The following PGAP1 variants were observed in gnomAD, a reference collection of about 807,000 sequenced individuals.
PGAP1 encodes post-GPI attachment to proteins inositol deacylase 1, also known as GPI inositol-deacylase.
PGAP1 carries 76 observed loss-of-function variants against 127.0 expected under a neutral mutation model. The observed-to-expected ratio is 0.60, with a 90% CI of 0.50 to 0.72. The LOEUF (loss-of-function observed/expected upper bound fraction) is 0.72, where lower values mean the gene tolerates loss of function less well. PGAP1 is among the 30% of genes least tolerant of loss of function. The pLI, the probability that PGAP1 is intolerant of heterozygous loss-of-function variation, is 0.00. For missense variants in PGAP1, 982 were observed against 1,071.3 expected, an observed-to-expected ratio of 0.92 and a Z score of 1.16; for synonymous variants, 362 against 366.5, an observed-to-expected ratio of 0.99 and a Z score of 0.14.
At chr2:196,893,349 G>C (rs965876690) in intron 7 of PGAP1, 104 bp from the exon 8 acceptor site, 8 of 603,372 alleles carry the variant, frequency 1.3e-5, no homozygotes, top group Non-Finnish European at 1.5e-5. Flanking sequence ...TTATTACTCT[G>C]AGCCAGGCAC....
Position 196,865,004 on chromosome 2 carries a change from T to C in PGAP1, c.1844A>G (p.Tyr615Cys). 1 of 1,548,378 alleles carries C rather than the reference T, an allele frequency of 6.5e-7. No homozygotes were observed. The highest frequency in any genetic ancestry group is 8.7e-7 in the Non-Finnish European group (1 of 1,153,494). Residue 615 changes from tyrosine (Y) to cysteine (C), a missense_variant, in exon 20 of 27, where the codon TAT (tyrosine) becomes TGT (cysteine). Transcript: ENST00000354764. ...NILLAYRGQL[Y>C]SLFSTGCCLE... ...ATTCTTACCTGTTGAGAAAAGAGAA[T>C]ATAACTGTCCTCTATAAGCAAGAAG... is the stretch of plus-strand genomic sequence containing the variant.
chr2:196,880,150 G>T lies in PGAP1; in HGVS notation c.1276C>A (p.Leu426Met). ...GGATAGTCTTGAAGTCTTAATGTCA[G>T]ATACTAAAATAAAAAAAAAAGAAAC... is the stretch of plus-strand genomic sequence containing the variant. ...KAELLPTIKY[L>M]TLRLQDYPSL... The change falls in exon 13 of 27, where the codon CTG (leucine) becomes ATG (methionine). Residue 426 changes from leucine (L) to methionine (M), a missense_variant. Physicochemically the swap from Leu to Met is conservative, Grantham distance 15. Coordinates refer to ENST00000354764, the MANE Select transcript of PGAP1 (RefSeq NM_024989.4). 2 of 1,510,290 alleles carry T rather than the reference G, an allele frequency of 1.3e-6. No homozygotes were observed. Among genetic ancestry groups the T allele is most frequent in the South Asian group, 1.3e-5 (1 of 78,954 alleles). The allele number at this position is 1,510,290 out of a possible 1,614,324, so 93.6% of individuals were successfully genotyped here. A position where few individuals can be genotyped will look rare whatever the true frequency, so the allele number is the denominator to read the frequency against.
At position 196,902,396 on chromosome 2, in the gene PGAP1, T is replaced by TATTCATTCATTCATTC. The variant is rs112012835; in HGVS notation, c.807+173_807+188dup. ...CAATTCTGCCCTCCCAACACATTCA[T>TATTCATTCATTCATTC]ATTCATTCATTCATTCATTTTCTCT... On this transcript the variant is annotated intron_variant, in intron 5 of 26. Coordinates refer to ENST00000354764, the MANE Select transcript of PGAP1 (RefSeq NM_024989.4). Among the ~76,000 whole-genome samples, 520 of 151,476 alleles carry TATTCATTCATTCATTC rather than the reference T, an allele frequency of 3.4e-3. 2 individuals are homozygous for TATTCATTCATTCATTC. The highest frequency in any genetic ancestry group is 0.012 in the African/African-American group (489 of 41,018).
intron 1 of PGAP1, among the ~76,000 whole-genome samples, chr2:196,920,865 A>G (rs567434759): frequency 2.4e-4 from 36 of 152,274 alleles, no homozygotes; most frequent in African/African-American, 8.2e-4. Flanking sequence ...CCAATAATAC[A>G]GCAGCTCACC....
intron 1 of PGAP1, among the ~76,000 whole-genome samples, chr2:196,923,494 A>G (rs1235757694): frequency 6.6e-6 from 1 of 152,062 alleles, no homozygotes; most frequent in Non-Finnish European, 1.5e-5. Flanking sequence ...CATTTCCCCC[A>G]TTGTATTTAT....
At chr2:196,843,820 G>A (rs572014196) in intron 25 of PGAP1, 68 bp downstream of exon 25, 1 of 1,010,172 alleles carries the variant, frequency 9.9e-7, no homozygotes, top group South Asian at 3.7e-5. Flanking sequence ...TAGGAATCTA[G>A]CAAGTCTCTA....
At chr2:196,899,804 CG>C (rs199568398) in intron 5 of PGAP1, among the ~76,000 whole-genome samples, 1,548 of 152,296 alleles carry the variant, frequency 0.01, 25 homozygotes, top group African/African-American at 0.035. Context: ...GAGGCCGAGG[CG>C]GGTGGATCAC....
intron 23 of PGAP1, 139 bp from the exon 24 acceptor site, chr2:196,844,713 C>T (rs1444109540): frequency 4.9e-6 from 3 of 607,796 alleles, no homozygotes; most frequent in Non-Finnish European, 2.9e-6. Context: ...CATTTAAAAA[C>T]ATTCTTATAC....
chr2:196,844,741 T>C (rs1340444947), intron 23 of PGAP1, among the ~76,000 whole-genome samples, 167 bp from the exon 24 acceptor site: 2 of 152,028 alleles, frequency 1.3e-5, no homozygotes, highest in Non-Finnish European at 2.9e-5. Context: ...CAACTACACA[T>C]GCTGGCTATC....
chr2:196,876,329 G>A (rs1280607182), intron 13 of PGAP1, among the ~76,000 whole-genome samples: 1 of 151,986 alleles, frequency 6.6e-6, no homozygotes, highest in Non-Finnish European at 1.5e-5. Context: ...TTGACACATG[G>A]CTAATGTTAT....
chr2:196,854,157 A>G (rs1407996761), intron 20 of PGAP1, among the ~76,000 whole-genome samples: 2 of 151,984 alleles, frequency 1.3e-5, no homozygotes, highest in African/African-American at 2.4e-5. Context: ...TATGCCTCCT[A>G]AAGTGCTCAG....
At chr2:196,868,129 T>C (rs1327342955) in intron 19 of PGAP1, among the ~76,000 whole-genome samples, 2 of 152,172 alleles carry the variant, frequency 1.3e-5, no homozygotes, top group Non-Finnish European at 2.9e-5. Flanking sequence ...TCTCTATATA[T>C]ATCCTCATCT....
intron 20 of PGAP1, among the ~76,000 whole-genome samples, chr2:196,857,811 C>T (rs1297606632): frequency 6.6e-6 from 1 of 152,184 alleles, no homozygotes; most frequent in Admixed American, 6.5e-5. Flanking sequence ...CCTGCTCAAC[C>T]TCAAACTGGC....
chr2:196,846,067 T>C lies in PGAP1; in HGVS notation c.2151-50A>G, dbSNP rs745970998. 2.3e-5 allele frequency: 27 copies of C among 1,165,940 alleles called. 1 individual carries two copies. Among genetic ancestry groups the C allele is most frequent in the South Asian group, 2.0e-4 (10 of 51,082 alleles). The allele number at this position is 1,165,940 out of a possible 1,614,324, so 72.2% of individuals were successfully genotyped here. A position where few individuals can be genotyped will look rare whatever the true frequency, so the allele number is the denominator to read the frequency against. ...AAATATATATTAACAAATATTTATATAGTCACATATAAGAAGAAAACAATA... is the reference window on the plus strand; with the variant it reads ...AAATATATATTAACAAATATTTATACAGTCACATATAAGAAGAAAACAATA... On this transcript the variant is annotated intron_variant, in intron 22 of 26. Coordinates refer to ENST00000354764, the MANE Select transcript of PGAP1 (RefSeq NM_024989.4).
chr2:196,851,846 T>C (rs1391192613), intron 20 of PGAP1, among the ~76,000 whole-genome samples: 1 of 152,196 alleles, frequency 6.6e-6, no homozygotes, highest in Non-Finnish European at 1.5e-5. Flanking sequence ...TTCTGGCAAG[T>C]CTTTCCTGGT....
intron 13 of PGAP1, among the ~76,000 whole-genome samples, chr2:196,877,290 T>G (rs1701597457): frequency 6.6e-6 from 1 of 152,140 alleles, no homozygotes; most frequent in Non-Finnish European, 1.5e-5. Context: ...AGAAGTTGAC[T>G]CAAAAATGTT....
intron 20 of PGAP1, among the ~76,000 whole-genome samples, chr2:196,864,704 T>C (rs1701181547): frequency 6.6e-6 from 1 of 152,114 alleles, no homozygotes; most frequent in Non-Finnish European, 1.5e-5. Flanking sequence ...CCTCAAACTA[T>C]TTGGGATTGG....
chr2:196,891,534 A>G (rs115676041), intron 9 of PGAP1, among the ~76,000 whole-genome samples: 1,539 of 152,198 alleles, frequency 0.01, 23 homozygotes, highest in African/African-American at 0.035. Context: ...GCATAATAAT[A>G]CTGGAGGAAT....
At chr2:196,866,208 C>T (rs879661325) in intron 19 of PGAP1, among the ~76,000 whole-genome samples, 4 of 152,192 alleles carry the variant, frequency 2.6e-5, no homozygotes, top group Admixed American at 2.0e-4. Flanking sequence ...ATCACTCTAC[C>T]TGACTTCAAA....
Sources: gnomAD v4.1 joint callset for allele counts (sites outside exome capture counted in the v4.1 genomes callset) on GRCh38, gnomAD v4.1.1 for gene constraint, MANE v1.5 for transcripts, NCBI Gene and HGNC (gene_info 2026-07-23, HGNC 2026-07-21) for gene names.